Variants in BRD3 observed in about 807,000 individuals in gnomAD.
The protein encoded by BRD3 is bromodomain-containing protein 3.
Under a neutral mutation model 66.8 loss-of-function variants are expected in BRD3, and 17 were observed. The observed-to-expected ratio is 0.25, with a 90% CI of 0.17 to 0.38. The LOEUF (loss-of-function observed/expected upper bound fraction) is 0.38. BRD3 is among the 10% of genes least tolerant of loss of function. The probability of loss-of-function intolerance (pLI) is 1.00; values close to 1 mark genes in which losing one functional copy is unlikely to be tolerated. For missense variants in BRD3, 713 were observed against 956.1 expected (o/e 0.75, Z 3.35); for synonymous variants, 421 against 393.2 (o/e 1.07, Z -0.84).
chr9:134,042,802 C>T lies in BRD3; in HGVS notation c.1216-851G>A, dbSNP rs879557430. Among the ~76,000 whole-genome samples the T allele has an allele frequency of 8.5e-3, 1,260 of 147,870 alleles. 7 individuals carry two copies. Among genetic ancestry groups the T allele is most frequent in the Non-Finnish European group, 0.013 (901 of 67,646 alleles). On this transcript the variant is annotated intron_variant, in intron 7 of 11. Transcript: ENST00000303407. ...ATATATACACAAATATACACACACA[C>T]ACACACACACACACACATTTTTAAG...
chr9:134,039,920 C>A, intron 9 of BRD3, 114 bp downstream of exon 9: 2 of 1,470,182 alleles, frequency 1.4e-6, no homozygotes, highest in Non-Finnish European at 1.8e-6. Context: ...CCCCATCACC[C>A]TGGTTTCCAG....
chr9:134,053,413 G>T lies in BRD3; in HGVS notation c.65C>A (p.Pro22His). The stretch of plus-strand genomic sequence containing the variant: ...GCTGGGGTTGGAGACCTCCGGGGGG[G>T]GTGGGTTCACAGGGCCCGGGGTCGC... Reference protein sequence around the residue: ...IPATPGPVNPPPPEVSNPSKP... With the variant: ...IPATPGPVNPHPPEVSNPSKP... Residue 22 changes from proline (P) to histidine (H), a missense_variant, in exon 2 of 12, where the codon CCC becomes CAC. By Grantham distance (77) the Pro-to-His change is moderately conservative (BLOSUM62 -2). Coordinates refer to ENST00000303407, the MANE Select transcript of BRD3 (RefSeq NM_007371.4). 6.2e-7 allele frequency: 1 copy of T among 1,610,970 alleles called. No individual in the cohort carries two copies. The highest frequency in any genetic ancestry group is 1.1e-5 in the South Asian group (1 of 91,052).
chr9:134,053,536 T>C lies in BRD3; in HGVS notation c.-59A>G. 2 of 1,485,106 alleles carry C rather than the reference T, an allele frequency of 1.3e-6. No individual in the cohort carries two copies. The highest frequency in any genetic ancestry group is 8.9e-7 in the Non-Finnish European group (1 of 1,121,130). The allele number at this position is 1,485,106 out of a possible 1,614,324, so 92.0% of individuals were successfully genotyped here. ...GCGGCTTGGAGAGGCCCTGGCTGCTTCTACGCTCCCTGAGAAAGCGCGACG... is the reference window on the plus strand; with the variant it reads ...GCGGCTTGGAGAGGCCCTGGCTGCTCCTACGCTCCCTGAGAAAGCGCGACG... On this transcript the variant is annotated 5_prime_UTR_variant, in exon 2 of 12. Transcript: ENST00000303407.
In BRD3 at chr9:134,034,697, G is replaced by T. The variant is rs200178408; in HGVS notation, c.2065+4C>A. On this transcript the variant is annotated splice_donor_region_variant and intron_variant, in intron 11 of 11. Coordinates refer to ENST00000303407, the MANE Select transcript of BRD3 (RefSeq NM_007371.4). ...AGGGGTGGCACAGCGGCCGCCAGCG[G>T]TACCTTTCCGGGCGGGCTTCTTGCT... 1.2e-6 allele frequency: 2 copies of T among 1,603,466 alleles called. No individual in the cohort carries two copies. The highest frequency in any genetic ancestry group is 1.7e-6 in the Non-Finnish European group (2 of 1,179,872).
rs1830151079 is a variant in BRD3 at position 134,045,643 on chromosome 9, T to G, written c.1087-222A>C. On this transcript the variant is annotated intron_variant, in intron 6 of 11. Transcript: ENST00000303407. The surrounding 1 kb of genome is among the most constrained non-coding windows in gnomAD (Gnocchi z 4.8). ...ACTTGATGGCTTGGCAGGGAGGGTC[T>G]GGGACTCCAGAGACAGATCTCCTGA... Among the ~76,000 whole-genome samples, 1 of 152,164 alleles carries G rather than the reference T, an allele frequency of 6.6e-6. No homozygotes were observed.
rs1287818124 is a variant in BRD3 at position 134,032,338 on chromosome 9, TAAAG to T, written c.*1248_*1251del. 1 of 211,216 alleles carries T rather than the reference TAAAG, an allele frequency of 4.7e-6. No individual in the cohort carries two copies. The highest frequency in any genetic ancestry group is 9.2e-6 in the Non-Finnish European group (1 of 108,246). 13.1% of individuals were successfully genotyped at this position (211,216 alleles called of 1,614,324 possible). On this transcript the variant is annotated 3_prime_UTR_variant, in exon 12 of 12. Coordinates refer to ENST00000303407, the MANE Select transcript of BRD3 (RefSeq NM_007371.4). The stretch of plus-strand genomic sequence containing the variant: ...AAATTGATTTCTTTTAAAACAGTCT[TAAAG>T]AGACCAGAAGTGAATACAAAAGAAC...
chr9:134,067,418 C>A (rs1236756536), intron 1 of BRD3, among the ~76,000 whole-genome samples: 1 of 150,086 alleles, frequency 6.7e-6, no homozygotes, highest in African/African-American at 2.4e-5. Flanking sequence ...GGCTCGGGAG[C>A]GAGGCCGGCG....
chr9:134,033,475 A>G lies in BRD3; in HGVS notation c.*115T>C. ...AAACTGGAAGATATCATAACACTGA[A>G]TTAAGAAGCAGACCTGCACACCATG... On this transcript the variant is annotated 3_prime_UTR_variant, in exon 12 of 12. Coordinates refer to ENST00000303407, the MANE Select transcript of BRD3 (RefSeq NM_007371.4). This position sits in a 1 kb window ranked among gnomAD's most constrained non-coding sequence, Gnocchi z 5.1. 1.7e-6 allele frequency: 1 copy of G among 603,636 alleles called. No homozygotes were observed. The highest frequency in any genetic ancestry group is 3.0e-6 in the Non-Finnish European group (1 of 330,736). 37.4% of individuals were successfully genotyped at this position (603,636 alleles called of 1,614,324 possible). A position where few individuals can be genotyped will look rare whatever the true frequency, so the allele number is the denominator to read the frequency against.
chr9:134,058,633 G>A (rs867545748), intron 1 of BRD3: 1 of 152,236 alleles, frequency 6.6e-6, no homozygotes, highest in African/African-American at 2.4e-5. Context: ...CCTTTTCCCG[G>A]GGGGTAGAGG....
chr9:134,045,438 CA>C lies in BRD3; in HGVS notation c.1087-18del. ...CATCTTCCTCTGCAACACACAGTGA[CA>C]GGGGCCAGTGAGCGTGGCCCGTGGC... is the stretch of plus-strand genomic sequence containing the variant. On this transcript the variant is annotated intron_variant, in intron 6 of 11. Coordinates refer to ENST00000303407, the MANE Select transcript of BRD3 (RefSeq NM_007371.4). The surrounding 1 kb of genome is among the most constrained non-coding windows in gnomAD (Gnocchi z 4.8). 6.2e-7 allele frequency: 1 copy of C among 1,613,096 alleles called. No individual in the cohort carries two copies. Among genetic ancestry groups the C allele is most frequent in the Non-Finnish European group, 8.5e-7 (1 of 1,179,902 alleles).
At chr9:134,067,728 A>ACCG (rs1256939603) in intron 1 of BRD3, among the ~76,000 whole-genome samples, 4 of 143,472 alleles carry the variant, frequency 2.8e-5, no homozygotes, top group Admixed American at 6.9e-5. Context: ...CGCCGCCGCC[A>ACCG]CCGCCGCCGC....
intron 9 of BRD3, among the ~76,000 whole-genome samples, chr9:134,036,908 G>A (rs889239907): frequency 3.9e-5 from 6 of 152,052 alleles, no homozygotes; most frequent in Non-Finnish European, 8.8e-5. Context: ...CTATGCGGGA[G>A]GCTGAGGCAG....
intron 6 of BRD3, 181 bp downstream of exon 6, chr9:134,047,902 C>T (rs1329271736): frequency 5.1e-6 from 4 of 790,824 alleles, no homozygotes; most frequent in Non-Finnish European, 7.5e-6. Context: ...GCAGAGCACG[C>T]CTTCCTCGCT....
At chr9:134,037,688 G>GAAATAAATAAAT (rs1254266670) in intron 9 of BRD3, among the ~76,000 whole-genome samples, 2 of 149,256 alleles carry the variant, frequency 1.3e-5, no homozygotes, top group African/African-American at 4.8e-5. Flanking sequence ...GTAAAGATCA[G>GAAATAAATAAAT]AAATAAATAA....
chr9:134,047,847 G>C (rs912036001), intron 6 of BRD3, among the ~76,000 whole-genome samples: 4 of 152,248 alleles, frequency 2.6e-5, no homozygotes, highest in African/African-American at 9.6e-5. Flanking sequence ...AAACGGGTTC[G>C]ATGGGAATAA....
chr9:134,034,957 A>T (rs1481367159), intron 10 of BRD3, 128 bp from the exon 11 acceptor site: 1 of 1,409,434 alleles, frequency 7.1e-7, no homozygotes, highest in Non-Finnish European at 9.7e-7. Flanking sequence ...AGCTTTCATG[A>T]GTCTGGGAGC....
intron 9 of BRD3, among the ~76,000 whole-genome samples, chr9:134,038,822 T>C (rs1448311123): frequency 6.6e-6 from 1 of 152,160 alleles, no homozygotes; most frequent in Non-Finnish European, 1.5e-5. Flanking sequence ...ATAATGCAAA[T>C]ATTCCAAAAT....
rs1312911951 is a variant in BRD3, at chr9:134,033,700, G to T, written c.2071C>A (p.Pro691Thr). The T allele has an allele frequency of 2.7e-6, 2 of 740,238 alleles. No individual in the cohort carries two copies. The highest frequency in any genetic ancestry group is 5.0e-6 in the Non-Finnish European group (2 of 400,678). The allele number at this position is 740,238 out of a possible 1,614,324, so 45.9% of individuals were successfully genotyped here. A position where few individuals can be genotyped will look rare whatever the true frequency, so the allele number is the denominator to read the frequency against. The change falls in exon 12 of 12, where the codon CCC (proline) becomes ACC (threonine). Residue 691 changes from proline to threonine, a missense_variant. Coordinates refer to ENST00000303407, the MANE Select transcript of BRD3 (RefSeq NM_007371.4). The surrounding 1 kb of genome is among the most constrained non-coding windows in gnomAD (Gnocchi z 5.1). ...SSKKPARKEK[P>T]GSAPSGGPSR... ...GGGCCCCCTGAGGGTGCTGAGCCGG[G>T]CTTCTCTGTGGAGACATGGGCAGGG...
At position 134,031,957 on chromosome 9, in the gene BRD3, G is replaced by A; in HGVS notation, c.*1633C>T. The A allele has an allele frequency of 4.6e-6, 1 of 217,374 alleles. No homozygotes were observed. Among genetic ancestry groups the A allele is most frequent in the East Asian group, 6.8e-5 (1 of 14,722 alleles). 13.5% of individuals were successfully genotyped at this position (217,374 alleles called of 1,614,324 possible). On this transcript the variant is annotated 3_prime_UTR_variant, in exon 12 of 12. Coordinates refer to ENST00000303407, the MANE Select transcript of BRD3 (RefSeq NM_007371.4). ...GAGCACCGTGCGAGTCTCCGGGAGG[G>A]AATCCTCCTGGGGCCCAGAGACTCC...
Sources: allele counts gnomAD v4.1 joint callset (sites outside exome capture counted in the v4.1 genomes callset), GRCh38; gene constraint gnomAD v4.1.1; non-coding constraint Gnocchi (gnomAD v3.1); transcripts MANE v1.5; gene names NCBI Gene and HGNC (gene_info 2026-07-23, HGNC 2026-07-21).